TOP6BL: variants seen among roughly 807,000 people sequenced by gnomAD.
TOP6BL encodes the protein type 2 DNA topoisomerase 6 subunit B-like.
At chr11:66,794,887 C>T in the TOP6BL span, among the ~76,000 whole-genome samples, 3 of 152,140 alleles carry the variant, frequency 2.0e-5, no homozygotes, top group African/African-American at 7.2e-5. Context: ...AATCCCAGCA[C>T]TTTGGGAGGC....
At chr11:66,826,033 C>T in the TOP6BL span, among the ~76,000 whole-genome samples, 12 of 151,944 alleles carry the variant, frequency 7.9e-5, no homozygotes, top group African/African-American at 2.4e-4. Flanking sequence ...TTAGTAGAGA[C>T]GGGGTTTCAT....
the TOP6BL span, chr11:66,804,140 C>A: frequency 1.2e-6 from 2 of 1,613,794 alleles, no homozygotes; most frequent in Non-Finnish European, 1.7e-6. Flanking sequence ...TGCACTGTGC[C>A]CCAGCCCAAA....
chr11:66,796,467 T>C, the TOP6BL span: 3 of 878,048 alleles, frequency 3.4e-6, no homozygotes, highest in East Asian at 8.0e-5. Flanking sequence ...GTTCTTTTTC[T>C]TTCAATGAAG....
At chr11:66,805,287 G>A in the TOP6BL span, among the ~76,000 whole-genome samples, 9 of 152,176 alleles carry the variant, frequency 5.9e-5, no homozygotes, top group South Asian at 1.9e-3. Context: ...TCTAAAGTGT[G>A]GTAGGCACGG....
At chr11:66,793,092 G>GT in the TOP6BL span, among the ~76,000 whole-genome samples, 461 of 145,880 alleles carry the variant, frequency 3.2e-3, 9 homozygotes, top group South Asian at 0.043. Flanking sequence ...TGGTAATAAT[G>GT]TTTTTTTTTT....
the TOP6BL span, among the ~76,000 whole-genome samples, chr11:66,818,381 A>G: frequency 1.3e-5 from 2 of 152,074 alleles, no homozygotes; most frequent in African/African-American, 2.4e-5. Flanking sequence ...TCTTTATTTG[A>G]GGAGCTAATG....
At chr11:66,765,054 A>T in the TOP6BL span, among the ~76,000 whole-genome samples, 1 of 152,168 alleles carries the variant, frequency 6.6e-6, no homozygotes, top group African/African-American at 2.4e-5. Context: ...CCCACACTTA[A>T]TGTGCTTGTA....
the TOP6BL span, among the ~76,000 whole-genome samples, chr11:66,805,525 A>C: frequency 6.6e-6 from 1 of 151,368 alleles, no homozygotes; most frequent in South Asian, 2.1e-4. Context: ...GCGGTGACAC[A>C]ATCTCAGCTC....
At chr11:66,810,102 C>A in the TOP6BL span, among the ~76,000 whole-genome samples, 1 of 152,050 alleles carries the variant, frequency 6.6e-6, no homozygotes, top group Non-Finnish European at 1.5e-5. Context: ...ATAATTATGG[C>A]AGATTTCTCA....
chr11:66,793,633 C>A, the TOP6BL span, among the ~76,000 whole-genome samples: 2 of 149,808 alleles, frequency 1.3e-5, no homozygotes, highest in Non-Finnish European at 3.0e-5. Context: ...TTAGTAGAGA[C>A]GGGGTTTCAT....
the TOP6BL span, among the ~76,000 whole-genome samples, chr11:66,745,486 G>A: frequency 6.6e-6 from 1 of 152,232 alleles, no homozygotes; most frequent in Non-Finnish European, 1.5e-5. Flanking sequence ...TGCTCTGGAA[G>A]ACGGCACTGA....
At chr11:66,812,022 A>G in the TOP6BL span, among the ~76,000 whole-genome samples, 1 of 152,190 alleles carries the variant, frequency 6.6e-6, no homozygotes, top group Admixed American at 6.6e-5. Context: ...GAAAAGAGGA[A>G]AAAGGAAACA....
At chr11:66,811,744 TATAACTA>T in the TOP6BL span, among the ~76,000 whole-genome samples, 2 of 152,212 alleles carry the variant, frequency 1.3e-5, no homozygotes, top group Non-Finnish European at 2.9e-5. Flanking sequence ...ATGCAACAGT[TATAACTA>T]ATAACTTAAA....
the TOP6BL span, among the ~76,000 whole-genome samples, chr11:66,794,936 C>T: frequency 1.3e-5 from 2 of 152,090 alleles, no homozygotes; most frequent in East Asian, 1.9e-4. Context: ...AGTTCGAGAC[C>T]AGCCTGGCCA....
chr11:66,769,639 T>G, the TOP6BL span, among the ~76,000 whole-genome samples: 115 of 152,158 alleles, frequency 7.6e-4, no homozygotes, highest in African/African-American at 2.6e-3. Context: ...TATTTGGAGA[T>G]GGGGCCTTTG....
At chr11:66,832,624 G>A in the TOP6BL span, among the ~76,000 whole-genome samples, 1 of 152,216 alleles carries the variant, frequency 6.6e-6, no homozygotes, top group Non-Finnish European at 1.5e-5. Context: ...TTCCATGGCT[G>A]GCTGTGCCTT....
At chr11:66,813,156 A>C in the TOP6BL span, among the ~76,000 whole-genome samples, 1 of 152,238 alleles carries the variant, frequency 6.6e-6, no homozygotes, top group Non-Finnish European at 1.5e-5. Context: ...ATTGTATTAC[A>C]GCTTACCGGC....
At chr11:66,778,649 T>C in the TOP6BL span, among the ~76,000 whole-genome samples, 2 of 152,156 alleles carry the variant, frequency 1.3e-5, no homozygotes, top group East Asian at 1.9e-4. Flanking sequence ...CTTCACAGAA[T>C]TGGAAAAAAC....
chr11:66,784,583 TTCTGTC>T, the TOP6BL span, among the ~76,000 whole-genome samples: 1 of 152,252 alleles, frequency 6.6e-6, no homozygotes, highest in Non-Finnish European at 1.5e-5. Context: ...CTAATCTACT[TTCTGTC>T]TCTGTCGATT....
Sources: gnomAD v4.1 joint callset for allele counts (sites outside exome capture counted in the v4.1 genomes callset) on GRCh38, gnomAD v4.1.1 for gene constraint, MANE v1.5 for transcripts, NCBI Gene and HGNC (gene_info 2026-07-23, HGNC 2026-07-21) for gene names.